Variants in SLC39A11 observed in about 807,000 individuals in gnomAD.
The protein encoded by SLC39A11 is zinc transporter ZIP11.
Under a neutral mutation model 36.1 loss-of-function variants are expected in SLC39A11, and 33 were observed. The ratio of observed to expected loss-of-function variants is 0.91; its 90% CI spans 0.69 to 1.22. The LOEUF is 1.22. Ranked by LOEUF, SLC39A11 falls within the 50% of genes most tolerant of loss-of-function variation. SLC39A11 has a pLI of 0.00. For missense variants in SLC39A11, 432 were observed against 430.3 expected, an observed-to-expected ratio of 1.00 and a Z score of -0.03; for synonymous variants, 166 against 170.3, an observed-to-expected ratio of 0.97 and a Z score of 0.20.
chr17:72,791,366 C>T (rs562029448), intron 6 of SLC39A11, among the ~76,000 whole-genome samples: 34 of 152,238 alleles, frequency 2.2e-4, no homozygotes, highest in Non-Finnish European at 3.7e-4. Flanking sequence ...GCAGGAGAAT[C>T]GCTTGAACCT....
intron 3 of SLC39A11, among the ~76,000 whole-genome samples, chr17:73,058,860 C>T (rs141731913): frequency 2.8e-4 from 43 of 152,146 alleles, no homozygotes; most frequent in Non-Finnish European, 2.1e-4. Context: ...AATTAATATA[C>T]CAAAAATGTG....
rs562248909 is a variant in SLC39A11 at position 72,976,995 on chromosome 17, T to C, written c.307-29120A>G. ...GTTTTGCCCTTATCCCCAGGACCTA[T>C]GACTATGACACGCCATCAGTACCAT... On this transcript the variant is annotated intron_variant, in intron 4 of 9. Coordinates refer to ENST00000255559, the MANE Select transcript of SLC39A11 (RefSeq NM_139177.4). 3.9e-5 allele frequency among the ~76,000 whole-genome samples: 6 copies of C among 152,276 alleles called. No homozygotes were observed. In the South Asian group the frequency reaches 1.2e-3, roughly 32 times the overall value.
intron 6 of SLC39A11, among the ~76,000 whole-genome samples, chr17:72,743,031 C>A (rs2074775641): frequency 6.6e-6 from 1 of 152,208 alleles, no homozygotes; most frequent in African/African-American, 2.4e-5. Flanking sequence ...GCCCAGAGCA[C>A]TAGGACCTGT....
At chr17:72,914,769 G>C (rs971537168) in intron 5 of SLC39A11, among the ~76,000 whole-genome samples, 1 of 152,146 alleles carries the variant, frequency 6.6e-6, no homozygotes, top group Non-Finnish European at 1.5e-5. Context: ...TTGGAAGGCT[G>C]AGGCAGGAGA....
At chr17:72,754,045 TACACATACACACACAC>T (rs1568034854) in intron 6 of SLC39A11, among the ~76,000 whole-genome samples, 1 of 53,270 alleles carries the variant, frequency 1.9e-5, no homozygotes, top group African/African-American at 6.1e-5. Flanking sequence ...TATATATATA[TACACATACACACACAC>T]ACACACACAC....
chr17:72,843,817 T>C (rs1440546955), intron 6 of SLC39A11, among the ~76,000 whole-genome samples: 1 of 152,162 alleles, frequency 6.6e-6, no homozygotes, highest in African/African-American at 2.4e-5. Context: ...GCTTAAGAAC[T>C]ATTTGACCTT....
intron 6 of SLC39A11, among the ~76,000 whole-genome samples, chr17:72,754,633 G>T (rs2075300931): frequency 1.3e-5 from 2 of 152,118 alleles, no homozygotes; most frequent in Admixed American, 6.6e-5. Flanking sequence ...TCCTTATGTG[G>T]CTCCCTCCTA....
At chr17:72,984,698 C>T (rs937140420) in intron 4 of SLC39A11, among the ~76,000 whole-genome samples, 1 of 152,222 alleles carries the variant, frequency 6.6e-6, no homozygotes, top group African/African-American at 2.4e-5. Context: ...CGCAGTGAAG[C>T]AACGCCTTTT....
At chr17:73,047,990 A>AATATATATATATAT in intron 3 of SLC39A11, among the ~76,000 whole-genome samples, 29 of 58,674 alleles carry the variant, frequency 4.9e-4, no homozygotes, top group Admixed American at 9.7e-4. Context: ...AAAAAAAAAA[A>AATATATATATATAT]ATATATATAT....
At chr17:72,663,629 G>A (rs2070583925) in intron 7 of SLC39A11, among the ~76,000 whole-genome samples, 1 of 152,126 alleles carries the variant, frequency 6.6e-6, no homozygotes, top group Non-Finnish European at 1.5e-5. Context: ...ATCGCCTGGG[G>A]GTCTGAATGA....
At chr17:72,730,785 G>A (rs957982126) in intron 7 of SLC39A11, among the ~76,000 whole-genome samples, 2 of 152,298 alleles carry the variant, frequency 1.3e-5, no homozygotes, top group South Asian at 2.1e-4. Context: ...TCAGCCCCCT[G>A]AGTAGATGGG....
At chr17:72,670,736 C>T (rs149696431) in intron 7 of SLC39A11, among the ~76,000 whole-genome samples, 9 of 152,262 alleles carry the variant, frequency 5.9e-5, no homozygotes, top group East Asian at 3.9e-4. Context: ...TCAAAAGATG[C>T]GTTTTGATAT....
chr17:72,818,105 G>A (rs1444390210), intron 6 of SLC39A11, among the ~76,000 whole-genome samples: 1 of 152,134 alleles, frequency 6.6e-6, no homozygotes, highest in African/African-American at 2.4e-5. Context: ...CGACACATGA[G>A]GATTATGGGA....
At chr17:72,843,587 A>G (rs1257347233) in intron 6 of SLC39A11, among the ~76,000 whole-genome samples, 1 of 152,106 alleles carries the variant, frequency 6.6e-6, no homozygotes, top group East Asian at 1.9e-4. Context: ...CAACCCGGAG[A>G]AGGACCCTCA....
intron 6 of SLC39A11, among the ~76,000 whole-genome samples, chr17:72,831,036 A>G (rs1258179371): frequency 2.0e-5 from 3 of 152,170 alleles, no homozygotes; most frequent in Non-Finnish European, 2.9e-5. Context: ...AGCCTGGAGG[A>G]AAGTGTTTGA....
chr17:72,780,305 C>A (rs768555085), intron 6 of SLC39A11, among the ~76,000 whole-genome samples: 31 of 152,226 alleles, frequency 2.0e-4, no homozygotes, highest in Non-Finnish European at 4.3e-4. Context: ...AACACCCTGG[C>A]CTCTCTTCTT....
chr17:72,958,671 C>G (rs564218304), intron 4 of SLC39A11, among the ~76,000 whole-genome samples: 1 of 151,898 alleles, frequency 6.6e-6, no homozygotes, highest in Non-Finnish European at 1.5e-5. Flanking sequence ...GCCAACATGG[C>G]GAAACCCCGT....
chr17:72,722,184 A>G (rs1421653915), intron 7 of SLC39A11, among the ~76,000 whole-genome samples: 1 of 152,130 alleles, frequency 6.6e-6, no homozygotes, highest in Admixed American at 6.5e-5. Flanking sequence ...TCAAGAATCG[A>G]GATCCCTCCT....
intron 6 of SLC39A11, among the ~76,000 whole-genome samples, chr17:72,848,809 A>G (rs932238947): frequency 1.2e-4 from 18 of 152,176 alleles, no homozygotes; most frequent in African/African-American, 4.3e-4. Context: ...GCCCACATAA[A>G]GAAGGCAGGT....
Sources: gnomAD v4.1 joint callset for allele counts (sites outside exome capture counted in the v4.1 genomes callset) on GRCh38, gnomAD v4.1.1 for gene constraint, MANE v1.5 for transcripts, NCBI Gene and HGNC (gene_info 2026-07-23, HGNC 2026-07-21) for gene names.